PCDHA1: variants seen among roughly 807,000 people sequenced by gnomAD.
PCDHA1 encodes the protein protocadherin alpha 1.
In PCDHA1, 42 loss-of-function variants were observed where a neutral mutation model predicts 61.3. The ratio of observed to expected loss-of-function variants is 0.69; its 90% CI spans 0.54 to 0.89. The LOEUF (loss-of-function observed/expected upper bound fraction) is 0.89, where lower values mean the gene tolerates loss of function less well. PCDHA1 is among the 40% of genes least tolerant of loss of function. The pLI, the probability that PCDHA1 is intolerant of heterozygous loss-of-function variation, is 0.00. For synonymous variants in PCDHA1, 610 were observed against 553.8 expected (o/e 1.10, Z -1.43); for missense variants, 1,256 against 1,235.3 (o/e 1.02, Z -0.25).
Position 140,942,913 on chromosome 5 carries a change from GA to G in PCDHA1, c.2395-36026del, listed in dbSNP as rs58669311. Among the ~76,000 whole-genome samples the G allele has an allele frequency of 2.0e-3, 305 of 148,960 alleles. 3 individuals carry two copies. The highest frequency in any genetic ancestry group is 6.9e-3 in the African/African-American group (281 of 40,624). ...ATTTATCTCTAAGAATAAGCGTGAA[GA>G]AAAAAAAAATTGAAAAAGAGTTTAA... On this transcript the variant is annotated intron_variant, in intron 1 of 3. Coordinates refer to ENST00000504120, the MANE Select transcript of PCDHA1 (RefSeq NM_018900.4).
rs200439538 is a variant in PCDHA1, at chr5:140,842,555, G to T, written c.2394+53871G>T. On this transcript the variant is annotated intron_variant, in intron 1 of 3. Transcript: ENST00000504120. ...TTACTACTCGTTGGTGCTGGACAGC[G>T]CCCTGGACCGCGAGAGAGTGTCGGC... The T allele has an allele frequency of 1.4e-6, 2 of 1,465,832 alleles. No homozygotes were observed. Among genetic ancestry groups the T allele is most frequent in the Non-Finnish European group, 1.9e-6 (2 of 1,075,884 alleles). The allele number at this position is 1,465,832 out of a possible 1,614,324, so 90.8% of individuals were successfully genotyped here. A position where few individuals can be genotyped will look rare whatever the true frequency, so the allele number is the denominator to read the frequency against.
At chr5:140,803,702 T>C (rs782283652) in intron 1 of PCDHA1, 3 of 1,530,804 alleles carry the variant, frequency 2.0e-6, no homozygotes, top group South Asian at 1.3e-5. Context: ...TGATTCATAA[T>C]TAGACTTTTC....
chr5:140,797,639 A>G (rs1279576570), intron 1 of PCDHA1, among the ~76,000 whole-genome samples: 1 of 152,242 alleles, frequency 6.6e-6, no homozygotes, highest in Non-Finnish European at 1.5e-5. Context: ...TGTAAATTAA[A>G]CATTTCCCAT....
At position 140,924,761 on chromosome 5, in the gene PCDHA1, G is replaced by T. The variant is rs979984304; in HGVS notation, c.2395-54188G>T. On this transcript the variant is annotated intron_variant, in intron 1 of 3. Coordinates refer to ENST00000504120, the MANE Select transcript of PCDHA1 (RefSeq NM_018900.4). Reference sequence around the variant, plus strand: ...AATACAAAAATTAACCGAGCATGGTGGTGCGCGCTTGTAGTCCTAGCTACT... The same window carrying T: ...AATACAAAAATTAACCGAGCATGGTTGTGCGCGCTTGTAGTCCTAGCTACT... Among the ~76,000 whole-genome samples the T allele has an allele frequency of 5.3e-5, 8 of 151,864 alleles. No individual in the cohort carries two copies. The East Asian group carries it at 1.5e-3, about 29-fold the overall frequency.
chr5:140,883,451 T>A (rs2153394032), intron 1 of PCDHA1: 1 of 1,614,144 alleles, frequency 6.2e-7, no homozygotes, highest in Non-Finnish European at 8.5e-7. Context: ...GCATGTCCCC[T>A]TCAAGCTGGT....
intron 1 of PCDHA1, chr5:140,834,397 A>G: frequency 1.3e-6 from 2 of 1,599,794 alleles, no homozygotes; most frequent in Non-Finnish European, 1.7e-6. Context: ...GTGTGCCCGA[A>G]TGGATACGAC....
chr5:140,865,798 C>T (rs1467476362), intron 1 of PCDHA1: 1 of 152,146 alleles, frequency 6.6e-6, no homozygotes, highest in East Asian at 1.9e-4. Context: ...AGGCTTCAGA[C>T]TCATTCTTTT....
intron 1 of PCDHA1, among the ~76,000 whole-genome samples, chr5:140,840,448 G>T (rs1381266800): frequency 1.3e-5 from 2 of 151,904 alleles, no homozygotes; most frequent in Non-Finnish European, 2.9e-5. Flanking sequence ...AAATAGAAAC[G>T]TTAAATAAAA....
At chr5:140,828,366 G>A (rs1554131260) in intron 1 of PCDHA1, 6 of 1,614,164 alleles carry the variant, frequency 3.7e-6, no homozygotes, top group African/African-American at 1.3e-5. Flanking sequence ...CGGATCGACC[G>A]CGAGGAGCTG....
intron 1 of PCDHA1, chr5:140,807,458 G>C (rs1763938347): frequency 1.2e-6 from 2 of 1,608,118 alleles, no homozygotes; most frequent in Admixed American, 1.7e-5. Context: ...TTCTCGGATC[G>C]ACCGGGAGGA....
chr5:140,992,405 C>T (rs962261885), intron 3 of PCDHA1, among the ~76,000 whole-genome samples: 1 of 152,152 alleles, frequency 6.6e-6, no homozygotes, highest in Non-Finnish European at 1.5e-5. Context: ...AGATATTGTT[C>T]TGCCCCAGGT....
Position 140,823,173 on chromosome 5 carries a change from C to A in PCDHA1, c.2394+34489C>A. ...AGTATACCGTGTTCGTGAAGGAGAACAACCCGCCAGGCTGCCACATCTTCA... is the reference window on the plus strand; with the variant it reads ...AGTATACCGTGTTCGTGAAGGAGAAAAACCCGCCAGGCTGCCACATCTTCA... On this transcript the variant is annotated intron_variant, in intron 1 of 3. Transcript: ENST00000504120. 4 of 1,613,906 alleles carry A rather than the reference C, an allele frequency of 2.5e-6. No individual in the cohort carries two copies. In the South Asian group the frequency reaches 4.4e-5, roughly 18 times the overall value.
At chr5:140,876,714 CCGCGAGAG>C in intron 1 of PCDHA1, 1 of 1,614,230 alleles carries the variant, frequency 6.2e-7, no homozygotes, top group East Asian at 2.2e-5. Context: ...GCGCCCTGGA[CCGCGAGAG>C]CGTGTCGGCC....
chr5:140,974,751 G>A (rs530548991), intron 1 of PCDHA1, among the ~76,000 whole-genome samples: 11 of 152,284 alleles, frequency 7.2e-5, no homozygotes, highest in African/African-American at 2.4e-4. Flanking sequence ...GCCTCCCAAA[G>A]TGCTGGGATT....
intron 1 of PCDHA1, chr5:140,807,799 A>G: frequency 6.2e-7 from 1 of 1,614,150 alleles, no homozygotes; most frequent in Admixed American, 1.7e-5. Context: ...ACAGAGAAGA[A>G]GCTCCGGAGA....
At chr5:140,950,551 G>T (rs1162032370) in intron 1 of PCDHA1, among the ~76,000 whole-genome samples, 1 of 151,932 alleles carries the variant, frequency 6.6e-6, no homozygotes, top group African/African-American at 2.4e-5. Context: ...CATGGCTGGG[G>T]GGACACTTAT....
chr5:140,869,788 T>A (rs782425741), intron 1 of PCDHA1: 1 of 1,612,892 alleles, frequency 6.2e-7, no homozygotes, highest in East Asian at 2.2e-5. Flanking sequence ...CGTTCGGCTG[T>A]TAGTCCAAGT....
intron 1 of PCDHA1, chr5:140,808,838 C>T: frequency 6.2e-7 from 1 of 1,613,150 alleles, no homozygotes; most frequent in South Asian, 1.1e-5. Flanking sequence ...CAACGTGACG[C>T]TGCAGGTGTT....
chr5:140,808,706 T>C, intron 1 of PCDHA1: 10 of 1,612,168 alleles, frequency 6.2e-6, no homozygotes, highest in Non-Finnish European at 7.6e-6. Context: ...GCTGTCGAGC[T>C]ACGTTTCGGT....
Sources: allele counts gnomAD v4.1 joint callset (sites outside exome capture counted in the v4.1 genomes callset), GRCh38; gene constraint gnomAD v4.1.1; transcripts MANE v1.5; gene names NCBI Gene and HGNC (gene_info 2026-07-23, HGNC 2026-07-21).